The following PDS5B variants were observed in gnomAD, a reference collection of about 807,000 sequenced individuals.
PDS5B encodes the protein PDS5 cohesin associated factor B.
PDS5B carries 51 observed loss-of-function variants against 184.1 expected under a neutral mutation model. The ratio of observed to expected loss-of-function variants is 0.28; its 90% CI spans 0.22 to 0.35. The LOEUF (loss-of-function observed/expected upper bound fraction) is 0.35, where lower values mean the gene tolerates loss of function less well. Among genes scored for constraint, PDS5B ranks in the 10% least tolerant of loss-of-function variants. The pLI is 1.00. For missense variants in PDS5B, 1,180 were observed against 1,723.3 expected (o/e 0.68, Z 5.58); for synonymous variants, 566 against 569.2 (o/e 0.99, Z 0.08).
chr13:32,691,389 T>A (rs1951545598), intron 13 of PDS5B: 1 of 152,134 alleles, frequency 6.6e-6, no homozygotes, highest in African/African-American at 2.4e-5. Flanking sequence ...CATGATCTTA[T>A]TCCATTATTT....
intron 10 of PDS5B, among the ~76,000 whole-genome samples, chr13:32,680,800 T>A (rs1290690891): frequency 6.6e-6 from 1 of 152,210 alleles, no homozygotes; most frequent in African/African-American, 2.4e-5. Context: ...GATTTTTAAA[T>A]TGTTTTTTAA....
At chr13:32,732,714 T>C (rs902709314) in intron 20 of PDS5B, among the ~76,000 whole-genome samples, 2 of 152,256 alleles carry the variant, frequency 1.3e-5, no homozygotes, top group East Asian at 3.9e-4. Flanking sequence ...TTATATTATT[T>C]TATCCACATT....
intron 1 of PDS5B, among the ~76,000 whole-genome samples, chr13:32,608,187 G>C (rs1476836648): frequency 6.6e-6 from 1 of 152,156 alleles, no homozygotes; most frequent in African/African-American, 2.4e-5. Flanking sequence ...GGGATCTTCA[G>C]TTAAATTCTT....
At chr13:32,655,370 ATATATTT>A (rs1378611520) in intron 3 of PDS5B, among the ~76,000 whole-genome samples, 1 of 26,946 alleles carries the variant, frequency 3.7e-5, no homozygotes, top group East Asian at 1.5e-3. Flanking sequence ...ATATATATAT[ATATATTT>A]TTTTTTTTTT....
chr13:32,630,623 A>G (rs1020886601), intron 1 of PDS5B, among the ~76,000 whole-genome samples: 3 of 152,176 alleles, frequency 2.0e-5, no homozygotes, highest in Non-Finnish European at 4.4e-5. Flanking sequence ...GTAGTTGGGT[A>G]GTAGATAGTG....
chr13:32,703,691 CT>C (rs1159436004), intron 17 of PDS5B, among the ~76,000 whole-genome samples: 1 of 152,130 alleles, frequency 6.6e-6, no homozygotes, highest in African/African-American at 2.4e-5. Flanking sequence ...AAAAATTCTA[CT>C]TTTAGTCCCC....
chr13:32,620,750 G>A (rs1443748245), intron 1 of PDS5B, among the ~76,000 whole-genome samples: 3 of 152,152 alleles, frequency 2.0e-5, no homozygotes, highest in Non-Finnish European at 4.4e-5. Flanking sequence ...ATGAAGAATG[G>A]TGGTGTTAGT....
intron 31 of PDS5B, among the ~76,000 whole-genome samples, chr13:32,764,845 C>G (rs1954534492): frequency 6.6e-6 from 1 of 152,052 alleles, no homozygotes; most frequent in African/African-American, 2.4e-5. Flanking sequence ...GTTGCATACT[C>G]AACTGCTTGG....
chr13:32,753,927 A>G (rs73456798), intron 25 of PDS5B, among the ~76,000 whole-genome samples: 7,180 of 152,198 alleles, frequency 0.047, 286 homozygotes, highest in African/African-American at 0.11. Context: ...TTGCGTGCCT[A>G]CTTTTCATCT....
chr13:32,621,951 C>A (rs2058308051), intron 1 of PDS5B, among the ~76,000 whole-genome samples: 1 of 152,114 alleles, frequency 6.6e-6, no homozygotes, highest in Non-Finnish European at 1.5e-5. Flanking sequence ...CTTTATCTAT[C>A]ATTCTTTCAA....
At chr13:32,632,390 A>C (rs937359463) in intron 1 of PDS5B, among the ~76,000 whole-genome samples, 4 of 152,230 alleles carry the variant, frequency 2.6e-5, no homozygotes, top group African/African-American at 9.6e-5. Flanking sequence ...ATACACAAAT[A>C]GACCTGTAAG....
chr13:32,775,982 CTATAA>C lies in PDS5B; in HGVS notation c.*936_*940del, dbSNP rs1954946470. On this transcript the variant is annotated 3_prime_UTR_variant, in exon 35 of 35. Transcript: ENST00000315596. The stretch of plus-strand genomic sequence containing the variant: ...TTATGTTCAGAAAATGCAAATTACA[CTATAA>C]TATAAAACCTGATATATACACATTA... 5.2e-6 allele frequency: 1 copy of C among 192,626 alleles called. No homozygotes were observed. Among genetic ancestry groups the C allele is most frequent in the South Asian group, 8.8e-5 (1 of 11,358 alleles). 11.9% of individuals were successfully genotyped at this position (192,626 alleles called of 1,614,324 possible). A position where few individuals can be genotyped will look rare whatever the true frequency, so the allele number is the denominator to read the frequency against.
intron 1 of PDS5B, among the ~76,000 whole-genome samples, chr13:32,635,170 GTTTTTTTTTTTTT>G (rs71071054): frequency 1.4e-4 from 11 of 81,116 alleles, no homozygotes; most frequent in South Asian, 4.1e-4. Context: ...AGCCAATTAC[GTTTTTTTTTTTTT>G]TTTTTTTTTT....
intron 31 of PDS5B, among the ~76,000 whole-genome samples, chr13:32,765,116 G>A (rs1224784051): frequency 6.6e-6 from 1 of 152,242 alleles, no homozygotes; most frequent in Admixed American, 6.5e-5. Flanking sequence ...TAGACAGTTT[G>A]TGTTGTTTTA....
intron 1 of PDS5B, among the ~76,000 whole-genome samples, chr13:32,629,525 ATCCATTACATTACTC>A (rs2058423273): frequency 6.6e-6 from 1 of 152,196 alleles, no homozygotes; most frequent in East Asian, 1.9e-4. Flanking sequence ...TGTTGGAGTT[ATCCATTACATTACTC>A]ACTGACCCAT....
At chr13:32,599,314 A>T (rs142700250) in intron 1 of PDS5B, among the ~76,000 whole-genome samples, 2,027 of 151,896 alleles carry the variant, frequency 0.013, 20 homozygotes, top group Non-Finnish European at 0.019. Flanking sequence ...CCCAGGCTGG[A>T]GTGCAGTGGC....
chr13:32,763,928 T>C (rs1954497636), intron 30 of PDS5B, among the ~76,000 whole-genome samples: 1 of 152,148 alleles, frequency 6.6e-6, no homozygotes, highest in African/African-American at 2.4e-5. Flanking sequence ...AAAAACTAGA[T>C]AAAGGTGAGA....
intron 1 of PDS5B, among the ~76,000 whole-genome samples, chr13:32,624,740 C>T (rs1197663857): frequency 6.6e-6 from 1 of 152,056 alleles, no homozygotes; most frequent in Non-Finnish European, 1.5e-5. Context: ...CAGTTTGCTT[C>T]TACTGAGAAA....
At chr13:32,760,823 G>T (rs1471397995) in intron 30 of PDS5B, 103 bp downstream of exon 30, 3 of 1,092,910 alleles carry the variant, frequency 2.7e-6, no homozygotes, top group Non-Finnish European at 3.9e-6. Context: ...TAAATGGAAA[G>T]TAATGTATTA....
Sources: gnomAD v4.1 joint callset for allele counts (sites outside exome capture counted in the v4.1 genomes callset) on GRCh38, gnomAD v4.1.1 for gene constraint, MANE v1.5 for transcripts, NCBI Gene and HGNC (gene_info 2026-07-23, HGNC 2026-07-21) for gene names.